Variants in SUFU observed in about 807,000 individuals in gnomAD.
SUFU encodes suppressor of fused homolog.
In SUFU, 7 loss-of-function variants were observed where a neutral mutation model predicts 58.9. That is an observed-to-expected ratio of 0.12 (90% CI 0.07 to 0.22). SUFU has a LOEUF of 0.22. Among genes scored for constraint, SUFU ranks in the 10% least tolerant of loss-of-function variants. The pLI, the probability that SUFU is intolerant of heterozygous loss-of-function variation, is 1.00. For missense variants in SUFU, 451 were observed against 641.3 expected, an observed-to-expected ratio of 0.70 and a Z score of 3.20; for synonymous variants, 232 against 254.8, an observed-to-expected ratio of 0.91 and a Z score of 0.85.
At chr10:102,529,594 G>A (rs2062653279) in intron 2 of SUFU, among the ~76,000 whole-genome samples, 1 of 152,104 alleles carries the variant, frequency 6.6e-6, no homozygotes, top group African/African-American at 2.4e-5. Flanking sequence ...CAATATGGAA[G>A]GCTGAGGCAG....
intron 3 of SUFU, among the ~76,000 whole-genome samples, chr10:102,558,132 C>T (rs1159581317): frequency 6.6e-6 from 1 of 152,182 alleles, no homozygotes; most frequent in Non-Finnish European, 1.5e-5. Context: ...GAACTCCTGA[C>T]TTCAGGTGAT....
At chr10:102,518,548 T>TC (rs9325505) in intron 2 of SUFU, among the ~76,000 whole-genome samples, 47,092 of 148,630 alleles carry the variant, frequency 0.32, 8,459 homozygotes, top group Non-Finnish European at 0.4. Context: ...TATCTATCTA[T>TC]TTATTTATTT....
intron 8 of SUFU, among the ~76,000 whole-genome samples, chr10:102,612,636 T>C (rs2063638559): frequency 1.3e-5 from 2 of 152,194 alleles, no homozygotes; most frequent in African/African-American, 4.8e-5. Context: ...CCATAGAGGC[T>C]GGGATTCTCT....
intron 4 of SUFU, 28 bp from the exon 5 acceptor site, chr10:102,593,608 A>G: frequency 6.2e-7 from 1 of 1,613,536 alleles, no homozygotes; most frequent in Non-Finnish European, 8.5e-7. Flanking sequence ...CCATTAACAC[A>G]CAATGGGCTT....
At chr10:102,530,869 A>C (rs1327490874) in intron 2 of SUFU, among the ~76,000 whole-genome samples, 1 of 152,130 alleles carries the variant, frequency 6.6e-6, no homozygotes, top group African/African-American at 2.4e-5. Flanking sequence ...CCAACAAGAA[A>C]GCAGTGGTCA....
At chr10:102,537,022 G>T (rs2062747540) in intron 2 of SUFU, among the ~76,000 whole-genome samples, 1 of 152,138 alleles carries the variant, frequency 6.6e-6, no homozygotes, top group African/African-American at 2.4e-5. Flanking sequence ...TGTTGGCCAG[G>T]CTGGTCTTGA....
At position 102,628,943 on chromosome 10, in the gene SUFU, G is replaced by C. The variant is rs559496024; in HGVS notation, c.1366-1123G>C. On this transcript the variant is annotated intron_variant, in intron 11 of 11. Coordinates refer to ENST00000369902, the MANE Select transcript of SUFU (RefSeq NM_016169.4). The surrounding 1 kb of genome is among the most constrained non-coding windows in gnomAD (Gnocchi z 4.5). ...GGCCGAGGCAGGTGGATCACCTGAG[G>C]TCGGGAATTTGAGACCAGCCTGACC... Among the ~76,000 whole-genome samples the C allele has an allele frequency of 2.6e-5, 4 of 152,256 alleles. No individual in the cohort carries two copies. The highest frequency in any genetic ancestry group is 1.3e-4 in the Admixed American group (2 of 15,296).
intron 3 of SUFU, among the ~76,000 whole-genome samples, chr10:102,587,051 G>A (rs2063341915): frequency 6.6e-6 from 1 of 152,200 alleles, no homozygotes; most frequent in African/African-American, 2.4e-5. Flanking sequence ...TTTTATGGCT[G>A]AATAGTATTC....
At chr10:102,579,551 G>T (rs1462063729) in intron 3 of SUFU, among the ~76,000 whole-genome samples, 1 of 152,218 alleles carries the variant, frequency 6.6e-6, no homozygotes, top group Non-Finnish European at 1.5e-5. Context: ...AGAGCGGGCG[G>T]TTCTGGAGAA....
chr10:102,580,029 A>ACCCCCCCCCCCCCCCCCCCC (rs71474507), intron 3 of SUFU, among the ~76,000 whole-genome samples: 1 of 84,662 alleles, frequency 1.2e-5, no homozygotes, highest in Admixed American at 1.3e-4. Flanking sequence ...CCTCCCCCGC[A>ACCCCCCCCCCCCCCCCCCCC]CCCCCCCCCC....
chr10:102,561,400 C>T (rs1231403287), intron 3 of SUFU, among the ~76,000 whole-genome samples: 1 of 152,122 alleles, frequency 6.6e-6, no homozygotes, highest in Non-Finnish European at 1.5e-5. Flanking sequence ...GACAGAGTCT[C>T]GCTCTGTCAC....
intron 3 of SUFU, among the ~76,000 whole-genome samples, chr10:102,569,185 C>T (rs973584783): frequency 2.6e-5 from 4 of 151,686 alleles, no homozygotes; most frequent in African/African-American, 7.3e-5. Context: ...TCACAAGGTC[C>T]GCAGATTTTA....
At chr10:102,519,968 C>T (rs1379424881) in intron 2 of SUFU, among the ~76,000 whole-genome samples, 6 of 151,756 alleles carry the variant, frequency 4.0e-5, no homozygotes, top group African/African-American at 7.2e-5. Flanking sequence ...GAGGGGGTTT[C>T]GCCATGTTGG....
At chr10:102,616,873 A>G (rs919734264) in intron 9 of SUFU, among the ~76,000 whole-genome samples, 2 of 152,192 alleles carry the variant, frequency 1.3e-5, no homozygotes, top group Admixed American at 6.5e-5. Context: ...CCATCGTCCC[A>G]GGGAAACTTG....
intron 2 of SUFU, among the ~76,000 whole-genome samples, chr10:102,544,920 TCATC>T (rs1434433481): frequency 1.3e-5 from 2 of 152,214 alleles, no homozygotes; most frequent in Non-Finnish European, 2.9e-5. Context: ...GTTTTCAAGG[TCATC>T]CATGTTATAG....
At chr10:102,581,180 C>CAAAAAAAAAA (rs71016393) in intron 3 of SUFU, among the ~76,000 whole-genome samples, 2 of 75,660 alleles carry the variant, frequency 2.6e-5, no homozygotes, top group Non-Finnish European at 4.9e-5. Context: ...ACTCTGTCTC[C>CAAAAAAAAAA]AAAAAAAAAA....
At chr10:102,512,930 A>G (rs1322573797) in intron 2 of SUFU, among the ~76,000 whole-genome samples, 1 of 151,954 alleles carries the variant, frequency 6.6e-6, no homozygotes, top group Admixed American at 6.6e-5. Flanking sequence ...TTAGCCAGAC[A>G]TGGTGGTGTG....
intron 6 of SUFU, among the ~76,000 whole-genome samples, chr10:102,594,962 C>T (rs1480079679): frequency 6.6e-6 from 1 of 152,138 alleles, no homozygotes; most frequent in South Asian, 2.1e-4. Context: ...TCAGATGATC[C>T]GCCCGCCTCG....
chr10:102,552,484 A>G (rs958736463), intron 3 of SUFU, among the ~76,000 whole-genome samples: 1 of 152,156 alleles, frequency 6.6e-6, no homozygotes, highest in Non-Finnish European at 1.5e-5. Context: ...GAAAGACATA[A>G]AAAGGCAAGG....
Sources: allele counts gnomAD v4.1 joint callset (sites outside exome capture counted in the v4.1 genomes callset), GRCh38; gene constraint gnomAD v4.1.1; non-coding constraint Gnocchi (gnomAD v3.1); transcripts MANE v1.5; gene names NCBI Gene and HGNC (gene_info 2026-07-23, HGNC 2026-07-21).